The following TAS2R30 variants were observed in gnomAD, a reference collection of about 807,000 sequenced individuals.
TAS2R30 encodes the protein taste receptor type 2 member 30.
For missense variants in TAS2R30, 395 were observed against 371.6 expected, an observed-to-expected ratio of 1.06 and a Z score of -0.52; for synonymous variants, 141 against 131.6, an observed-to-expected ratio of 1.07 and a Z score of -0.49.
At chr12:11,134,309 A>C (rs1946484577) in exon 1 of TAS2R30, 1 of 1,285,556 alleles carries the variant, frequency 7.8e-7, no homozygotes. Context: ...GATTGCTTGA[A>C]TATCCTGACC....
the TAS2R30 span, chr12:11,133,560 G>A: frequency 4.3e-6 from 7 of 1,614,216 alleles, no homozygotes; most frequent in Non-Finnish European, 5.9e-6. Flanking sequence ...GTCACAGTTT[G>A]CAAAGCTTTT....
chr12:11,133,606 G>A (rs753298565), exon 1 of TAS2R30: 5 of 1,614,242 alleles, frequency 3.1e-6, no homozygotes, highest in South Asian at 1.1e-5. Context: ...GAGATCCTTT[G>A]CCATGGAGCT....
At chr12:11,133,963 G>T in exon 1 of TAS2R30, 1 of 1,614,124 alleles carries the variant, frequency 6.2e-7, no homozygotes, top group Non-Finnish European at 8.5e-7. Flanking sequence ...GCCAGCTGCT[G>T]AAATGGTTGG....
At chr12:11,133,124 C>T in exon 1 of TAS2R30, 4 of 787,568 alleles carry the variant, frequency 5.1e-6, no homozygotes, top group South Asian at 3.8e-5. Context: ...TTTTCATACA[C>T]ACACACACAC....
chr12:11,133,696 T>C (rs1475412929), exon 1 of TAS2R30: 1 of 1,614,254 alleles, frequency 6.2e-7, no homozygotes. Flanking sequence ...GTACAAAGTT[T>C]GCTAGCATGG....
chr12:11,134,368 T>TAA lies in TAS2R30; in HGVS notation c.-125_-124insTT, dbSNP rs1206378501. 1 of 1,158,488 alleles carries TAA rather than the reference T, an allele frequency of 8.6e-7. No homozygotes were observed. The highest frequency in any genetic ancestry group is 1.2e-6 in the Non-Finnish European group (1 of 839,020). The allele number at this position is 1,158,488 out of a possible 1,614,324, so 71.8% of individuals were successfully genotyped here. A position where few individuals can be genotyped will look rare whatever the true frequency, so the allele number is the denominator to read the frequency against. On this transcript the variant is annotated 5_prime_UTR_variant, in exon 1 of 1. It removes the in-frame stop codon of an upstream open reading frame in the 5' UTR. Coordinates refer to ENST00000539585, the Ensembl canonical transcript of TAS2R30. ...TGTGTATGTGCTGTGACATTCTTTT[T>TAA]ACTTTTAATTGCTGTGACCAGTGTC...
chr12:11,134,068 G>T, exon 1 of TAS2R30: 1 of 1,614,100 alleles, frequency 6.2e-7, no homozygotes, highest in Non-Finnish European at 8.5e-7. Flanking sequence ...ATAACACCCA[G>T]AGCAAACCAA....
exon 1 of TAS2R30, chr12:11,134,293 G>A (rs1451423626): frequency 1.1e-5 from 11 of 1,028,232 alleles, no homozygotes; most frequent in Non-Finnish European, 1.5e-5. Flanking sequence ...TAATATCACT[G>A]GTTGTGATTG....
exon 1 of TAS2R30, chr12:11,133,516 C>CATAACAGAA: frequency 6.2e-7 from 1 of 1,614,094 alleles, no homozygotes; most frequent in Non-Finnish European, 8.5e-7. Context: ...TGATCATGGA[C>CATAACAGAA]AGAAAGTAAA....
chr12:11,133,370 G>C, the TAS2R30 span: 105 of 1,613,686 alleles, frequency 6.5e-5, no homozygotes, highest in Non-Finnish European at 8.7e-5. Flanking sequence ...CCGCAAAACT[G>C]AAAGAAAAAT....
chr12:11,133,753 C>G lies in TAS2R30; in HGVS notation c.492G>C (p.Trp164Cys), dbSNP rs1341868918. ...ACATTGCACTCCTCAATTTGATCTT[C>G]CAAGTCACGTTTCCTTCATATTCTT... Residue 164 changes from tryptophan to cysteine, a missense_variant, in exon 1 of 1, where the codon TGG (tryptophan) becomes TGC (cysteine). Trp to Cys is a radical substitution (Grantham distance 215). Coordinates refer to ENST00000539585, the Ensembl canonical transcript of TAS2R30. The G allele has an allele frequency of 2.5e-6, 4 of 1,614,174 alleles. No homozygotes were observed. Among genetic ancestry groups the G allele is most frequent in the Non-Finnish European group, 8.5e-7 (1 of 1,180,018 alleles).
exon 1 of TAS2R30, chr12:11,132,997 A>T (rs1213246529): frequency 5.4e-5 from 18 of 334,076 alleles, no homozygotes; most frequent in Non-Finnish European, 8.6e-5. Context: ...GAAATATAAA[A>T]TACATGTATG....
At chr12:11,133,420 G>A (rs1348275089) in exon 1 of TAS2R30, 2 of 1,613,970 alleles carry the variant, frequency 1.2e-6, no homozygotes, top group South Asian at 2.2e-5. Context: ...GGATGAATGG[G>A]TGGGTTGAAG....
At chr12:11,133,072 G>C in exon 1 of TAS2R30, 1 of 541,032 alleles carries the variant, frequency 1.8e-6, no homozygotes, top group Middle Eastern at 5.2e-4. Flanking sequence ...CAGTTTTTGT[G>C]AAAAAACAAT....
At chr12:11,134,133 T>C in exon 1 of TAS2R30, 1 of 1,614,142 alleles carries the variant, frequency 6.2e-7, no homozygotes, top group South Asian at 1.1e-5. Context: ...ATCTTTTGTC[T>C]CTTGACCCAC....
chr12:11,133,906 G>A lies in TAS2R30; in HGVS notation c.339C>T (p.Phe113=), dbSNP rs568940139. The stretch of plus-strand genomic sequence containing the variant: ...TTATGCGAAGAAAAATAAGGTTGGA[G>A]AAATTGGCAATCCTGAGCAAATAAA... Residue 113 remains phenylalanine, a synonymous_variant, in exon 1 of 1, where the codon TTC becomes TTT. Transcript: ENST00000539585. 4 of 1,614,140 alleles carry A rather than the reference G, an allele frequency of 2.5e-6. No homozygotes were observed. The East Asian group carries it at 8.9e-5, about 36-fold the overall frequency.
the TAS2R30 span, chr12:11,133,809 C>CA: frequency 6.2e-7 from 1 of 1,614,120 alleles, no homozygotes; most frequent in Non-Finnish European, 8.5e-7. Context: ...ATGTTTATCA[C>CA]AAAAAGATGA....
chr12:11,134,213 A>G (rs1255235088), exon 1 of TAS2R30: 5 of 1,613,234 alleles, frequency 3.1e-6, no homozygotes, highest in African/African-American at 2.7e-5. Context: ...CACTATTAGA[A>G]TGGAAAAAAT....
In TAS2R30 at chr12:11,133,358, T is replaced by G. The variant is rs1314704012; in HGVS notation, c.887A>C (p.His296Pro). ...TCTGTCTTTCACCCAGTACCTCACA[T>G]GCCGCAAAACTGAAAGAAAAATCTG... The change falls in exon 1 of 1, where the codon CAT becomes CCT. Residue 296 changes from histidine to proline, a missense_variant. His to Pro is a moderately conservative substitution (Grantham distance 77). Coordinates refer to ENST00000539585, the Ensembl canonical transcript of TAS2R30. 4 of 1,613,822 alleles carry G rather than the reference T, an allele frequency of 2.5e-6. No homozygotes were observed. The South Asian group carries it at 3.3e-5, about 13-fold the overall frequency.
Sources: allele counts gnomAD v4.1 joint callset, GRCh38; gene constraint gnomAD v4.1.1; transcripts MANE v1.5; gene names NCBI Gene and HGNC (gene_info 2026-07-23, HGNC 2026-07-21).